Variants in ARMC12 observed in about 807,000 individuals in gnomAD.
ARMC12 encodes the protein armadillo repeat containing 12.
In ARMC12, 25 loss-of-function variants were observed where a neutral mutation model predicts 37.4. The observed-to-expected ratio is 0.67, with a 90% CI of 0.49 to 0.93. ARMC12 has a LOEUF of 0.93. Among genes scored for constraint, ARMC12 ranks in the 40% least tolerant of loss-of-function variants. ARMC12 has a pLI of 0.00. For missense variants in ARMC12, 384 were observed against 426.6 expected (o/e 0.90, Z 0.88); for synonymous variants, 167 against 176.1 (o/e 0.95, Z 0.41).
intron 3 of ARMC12, among the ~76,000 whole-genome samples, chr6:35,746,625 G>C (rs1172435878): frequency 6.6e-6 from 1 of 152,126 alleles, no homozygotes; most frequent in African/African-American, 2.4e-5. Context: ...GGTAAGAAGT[G>C]GGGGTGAGGA....
chr6:35,748,013 G>C lies in ARMC12; in HGVS notation c.690+366G>C, dbSNP rs1767393887. Among the ~76,000 whole-genome samples, 6 of 152,066 alleles carry C rather than the reference G, an allele frequency of 3.9e-5. No homozygotes were observed. In the South Asian group the frequency reaches 1.2e-3, roughly 31 times the overall value. The stretch of plus-strand genomic sequence containing the variant: ...GTGGTTCAGTTCACCAGAACAGTAG[G>C]GCAACTCTAAACTTGTATGCACCTA... On this transcript the variant is annotated intron_variant, in intron 5 of 5. Transcript: ENST00000373866.
At chr6:35,743,488 G>A (rs1767240825) in intron 3 of ARMC12, among the ~76,000 whole-genome samples, 1 of 152,184 alleles carries the variant, frequency 6.6e-6, no homozygotes, top group Non-Finnish European at 1.5e-5. Context: ...AAAGTGCTGG[G>A]ATTAAAGGCG....
In ARMC12 at chr6:35,747,436, T is replaced by G. The variant is rs766532058; in HGVS notation, c.618+2T>G. The G allele has an allele frequency of 3.5e-5, 57 of 1,614,152 alleles. No individual in the cohort carries two copies. Among genetic ancestry groups the G allele is most frequent in the Non-Finnish European group, 4.3e-5 (51 of 1,180,022 alleles). ...CAGTCAGACTACATCCTGGCACAGG[T>G]GCCTGAGGACCATGGCCAAGGCCCT... is the stretch of plus-strand genomic sequence containing the variant. On this transcript the variant is annotated splice_donor_variant, in intron 4 of 5. Transcript: ENST00000373866. LOFTEE classifies it high-confidence loss of function.
intron 3 of ARMC12, among the ~76,000 whole-genome samples, chr6:35,742,496 CAAAAA>C (rs760070963): frequency 1.4e-4 from 6 of 43,436 alleles, no homozygotes; most frequent in East Asian, 8.0e-4. Flanking sequence ...GACTCTGTCT[CAAAAA>C]AAAAAAAAAA....
At chr6:35,744,436 G>A (rs1217328952) in intron 3 of ARMC12, among the ~76,000 whole-genome samples, 1 of 152,176 alleles carries the variant, frequency 6.6e-6, no homozygotes, top group African/African-American at 2.4e-5. Flanking sequence ...CACTGTGCCT[G>A]GCTGAGGGAG....
At chr6:35,737,862 A>C (rs1767019573) in intron 1 of ARMC12, 165 bp from the exon 2 acceptor site, 1 of 861,092 alleles carries the variant, frequency 1.2e-6, no homozygotes, top group Non-Finnish European at 1.8e-6. Flanking sequence ...GCCCTTGTGC[A>C]GTAAACATTC....
chr6:35,738,286 T>TGTG (rs1554141437), intron 2 of ARMC12, 98 bp from the exon 3 acceptor site: 6 of 1,063,284 alleles, frequency 5.6e-6, no homozygotes, highest in Non-Finnish European at 7.4e-6. Flanking sequence ...CTGATAGCGG[T>TGTG]GGGGGGGGGG....
In ARMC12 at chr6:35,747,620, C is replaced by T. The variant is rs1168991023; in HGVS notation, c.663C>T (p.Asp221=). The stretch of plus-strand genomic sequence containing the variant: ...TGAGCTACCTGGCACAGAAGAATGA[C>T]CTTCTCTATGACATTCTCAACTGCC... The part of the protein sequence containing the change: ...RLLSYLAQKN[D]LLYDILNCQV... Residue 221 remains aspartate, a synonymous_variant, in exon 5 of 6, where the codon GAC becomes GAT. Coordinates refer to ENST00000373866, the MANE Select transcript of ARMC12 (RefSeq NM_001286574.2). The T allele has an allele frequency of 6.2e-7, 1 of 1,614,190 alleles. No individual in the cohort carries two copies. The highest frequency in any genetic ancestry group is 1.1e-5 in the South Asian group (1 of 91,084).
At chr6:35,748,449 G>A in intron 5 of ARMC12, 89 bp from the exon 6 acceptor site, 2 of 1,099,608 alleles carry the variant, frequency 1.8e-6, no homozygotes, top group South Asian at 6.2e-5. Flanking sequence ...AGGTATATTT[G>A]GGAGTTTAGG....
rs575408551 is a variant in ARMC12 at position 35,748,202 on chromosome 6, C to T, written c.691-336C>T. ...ACTCTTAGTGAATAACACAAATAAGCTTGAGCCATTAGACATACTCAGAAC... is the reference window on the plus strand; with the variant it reads ...ACTCTTAGTGAATAACACAAATAAGTTTGAGCCATTAGACATACTCAGAAC... On this transcript the variant is annotated intron_variant, in intron 5 of 5. Transcript: ENST00000373866. 5.3e-5 allele frequency among the ~76,000 whole-genome samples: 8 copies of T among 152,240 alleles called. No individual in the cohort carries two copies. In the East Asian group the frequency reaches 1.5e-3, roughly 29 times the overall value.
upstream of ARMC12, chr6:35,734,111 T>TA (rs758844374): frequency 5.0e-4 from 76 of 152,330 alleles, no homozygotes; most frequent in African/African-American, 1.7e-3. Flanking sequence ...TTACGCTCCC[T>TA]AAGGGCATGG....
intron 3 of ARMC12, among the ~76,000 whole-genome samples, chr6:35,743,250 C>G (rs1581926753): frequency 6.8e-6 from 1 of 148,118 alleles, no homozygotes; most frequent in South Asian, 2.1e-4. Context: ...GAGTTTCGCT[C>G]TTGTTGCCAA....
chr6:35,732,236 G>C (rs1434874127), upstream of ARMC12, among the ~76,000 whole-genome samples: 1 of 152,228 alleles, frequency 6.6e-6, no homozygotes, highest in African/African-American at 2.4e-5. Flanking sequence ...GTAAGCGCTA[G>C]CTGGGGAGAT....
Position 35,737,076 on chromosome 6 carries a change from G to A in ARMC12, c.-33G>A, listed in dbSNP as rs763741123. The A allele has an allele frequency of 6.2e-7, 1 of 1,611,608 alleles. No individual in the cohort carries two copies. The highest frequency in any genetic ancestry group is 8.5e-7 in the Non-Finnish European group (1 of 1,178,524). The stretch of plus-strand genomic sequence containing the variant: ...GCCCCCCACAGGTGCCTTGGGCCTA[G>A]CTCTCACCTGGGCCCAGGGCAACAC... On this transcript the variant is annotated 5_prime_UTR_variant, in exon 1 of 6. Transcript: ENST00000373866.
intron 4 of ARMC12, 61 bp from the exon 5 acceptor site, chr6:35,747,515 T>A (rs1187956697): frequency 2.3e-5 from 37 of 1,612,072 alleles, no homozygotes; most frequent in Non-Finnish European, 3.1e-5. Context: ...GAGGTTTATA[T>A]CTTCCTTGCT....
intron 5 of ARMC12, 62 bp from the exon 6 acceptor site, chr6:35,748,476 G>A (rs1767405855): frequency 1.5e-6 from 2 of 1,354,626 alleles, no homozygotes; most frequent in Non-Finnish European, 2.0e-6. Flanking sequence ...GAATATACAA[G>A]AACAAGAATT....
At chr6:35,737,359 C>T (rs371425852) in intron 1 of ARMC12, 88 bp downstream of exon 1, 27 of 1,613,680 alleles carry the variant, frequency 1.7e-5, no homozygotes, top group Non-Finnish European at 2.3e-5. Flanking sequence ...AAAGGTGATG[C>T]CTCCAAGTTC....
Position 35,738,076 on chromosome 6 carries a change from G to A in ARMC12, c.213G>A (p.Arg71=), listed in dbSNP as rs151133317. The change falls in exon 2 of 6, where the codon CGG becomes CGA. Residue 71 remains arginine (R), a synonymous_variant. Coordinates refer to ENST00000373866, the MANE Select transcript of ARMC12 (RefSeq NM_001286574.2). ...ERHGRDSGEL[R]RLLNSLECKQ... ...ACGGGCGGGACTCAGGTGAGCTCCGGAGGCTCCTCAACTCTTTGGAGTGCA... is the reference window on the plus strand; with the variant it reads ...ACGGGCGGGACTCAGGTGAGCTCCGAAGGCTCCTCAACTCTTTGGAGTGCA... 5.1e-3 allele frequency: 8,188 copies of A among 1,614,060 alleles called. 30 individuals carry two copies. Among genetic ancestry groups the A allele is most frequent in the Middle Eastern group, 0.018 (108 of 6,060 alleles).
intron 3 of ARMC12, among the ~76,000 whole-genome samples, chr6:35,741,607 A>G (rs1381612553): frequency 2.6e-5 from 4 of 152,010 alleles, no homozygotes; most frequent in African/African-American, 7.3e-5. Context: ...TTTAGTAAAG[A>G]CAGGGTTTCA....
Sources: allele counts gnomAD v4.1 joint callset (sites outside exome capture counted in the v4.1 genomes callset), GRCh38; gene constraint gnomAD v4.1.1; transcripts MANE v1.5; gene names NCBI Gene and HGNC (gene_info 2026-07-23, HGNC 2026-07-21).